CYP4F2: variants seen among roughly 807,000 people sequenced by gnomAD.
CYP4F2 encodes cytochrome P450 family 4 subfamily F member 2, also known as cytochrome P450 4F2.
A neutral mutation model predicts 58.9 loss-of-function variants in CYP4F2; 58 were observed. The ratio of observed to expected loss-of-function variants is 0.98; its 90% CI spans 0.80 to 1.23. The LOEUF (loss-of-function observed/expected upper bound fraction) is 1.23. Ranked by LOEUF, CYP4F2 falls within the 50% of genes most tolerant of loss-of-function variation. CYP4F2 has a pLI of 0.00. For synonymous variants in CYP4F2, 287 were observed against 261.1 expected (o/e 1.10, Z -0.95); for missense variants, 616 against 685.6 (o/e 0.90, Z 1.13).
intron 9 of CYP4F2, among the ~76,000 whole-genome samples, chr19:15,884,512 A>AT (rs2145003831): frequency 6.6e-6 from 1 of 152,342 alleles, no homozygotes; most frequent in East Asian, 1.9e-4. Flanking sequence ...AAAAGACTAA[A>AT]TATTTCAGGC....
At chr19:15,881,756 C>T (rs1322876212) in intron 9 of CYP4F2, among the ~76,000 whole-genome samples, 3 of 151,410 alleles carry the variant, frequency 2.0e-5, no homozygotes, top group Non-Finnish European at 2.9e-5. Context: ...ATTTAATGCT[C>T]ATTTTCCATG....
chr19:15,892,493 C>T (rs368596889), intron 4 of CYP4F2, 36 bp downstream of exon 4: 8 of 1,613,866 alleles, frequency 5.0e-6, no homozygotes, highest in African/African-American at 1.3e-5. Context: ...GGCCCCCCAA[C>T]GTTTTTCCCA....
At chr19:15,896,074 A>ATCCT (rs1298734704) in intron 2 of CYP4F2, among the ~76,000 whole-genome samples, 12 of 128,740 alleles carry the variant, frequency 9.3e-5, no homozygotes, top group African/African-American at 4.1e-4. Context: ...CTATCTATCC[A>ATCCT]TCCATCCATC....
intron 3 of CYP4F2, among the ~76,000 whole-genome samples, chr19:15,893,539 C>G (rs1257630592): frequency 6.6e-6 from 1 of 152,184 alleles, no homozygotes; most frequent in Non-Finnish European, 1.5e-5. Flanking sequence ...GCAGACCTGG[C>G]CATATAACAG....
At position 15,882,375 on chromosome 19, in the gene CYP4F2, C is replaced by T. The variant is rs145019877; in HGVS notation, c.1116-2478G>A. Among the ~76,000 whole-genome samples, 498 of 152,116 alleles carry T rather than the reference C, an allele frequency of 3.3e-3. 3 individuals carry two copies. The highest frequency in any genetic ancestry group is 0.011 in the African/African-American group (470 of 41,504). ...TCAAAGGATAGAAGCTTCAGTTAGA[C>T]AAGAGGAATAGTTTTTGAGATCTAC... is the stretch of plus-strand genomic sequence containing the variant. On this transcript the variant is annotated intron_variant, in intron 9 of 12. Transcript: ENST00000221700.
intron 9 of CYP4F2, among the ~76,000 whole-genome samples, chr19:15,884,690 C>T (rs953941602): frequency 6.6e-6 from 1 of 152,148 alleles, no homozygotes; most frequent in African/African-American, 2.4e-5. Flanking sequence ...GTTTCTCCTC[C>T]TCACTGGACT....
intron 9 of CYP4F2, among the ~76,000 whole-genome samples, chr19:15,884,269 G>T (rs143400551): frequency 1.3e-5 from 2 of 152,036 alleles, no homozygotes; most frequent in African/African-American, 2.4e-5. Context: ...GACAAATATC[G>T]CATGTTCTCA....
At chr19:15,886,330 C>CA in intron 7 of CYP4F2, 22 bp from the exon 8 acceptor site, 1 of 1,611,682 alleles carries the variant, frequency 6.2e-7, no homozygotes, top group Non-Finnish European at 8.5e-7. Flanking sequence ...GCAGTAACCC[C>CA]CCCCAACCCC....
chr19:15,898,012 C>A lies in CYP4F2; in HGVS notation c.-2+14G>T, dbSNP rs3093095. 0.027 allele frequency: 6,284 copies of A among 235,880 alleles called. 431 individuals are homozygous for A. Among genetic ancestry groups the A allele is most frequent in the African/African-American group, 0.14 (5,737 of 42,104 alleles). 14.6% of individuals were successfully genotyped at this position (235,880 alleles called of 1,614,324 possible). ...CCAGGACCCCCCCCAGGCCTGCCAC[C>A]CCCAGCCTGGCACCTTCTGTCAGGA... On this transcript the variant is annotated intron_variant, in intron 1 of 12. Coordinates refer to ENST00000221700, the MANE Select transcript of CYP4F2 (RefSeq NM_001082.5).
chr19:15,889,655 C>A lies in CYP4F2; in HGVS notation c.686G>T (p.Ser229Ile), dbSNP rs1158795286. ...SEYIAAILEL[S>I]ALVSKRHHEI... Reference sequence around the variant, plus strand: ...ATGGTGTCTTTTTGATACAAGGGCACTGAGCTCCAAGATGGCGGCAATATA... The same window carrying A: ...ATGGTGTCTTTTTGATACAAGGGCAATGAGCTCCAAGATGGCGGCAATATA... The change falls in exon 7 of 13, where the codon AGT (serine) becomes ATT (isoleucine). Residue 229 changes from serine (S) to isoleucine (I), a missense_variant. Transcript: ENST00000221700. 1.9e-6 allele frequency: 3 copies of A among 1,614,130 alleles called. No individual in the cohort carries two copies. Among genetic ancestry groups the A allele is most frequent in the Non-Finnish European group, 2.5e-6 (3 of 1,180,012 alleles).
At chr19:15,879,991 C>G in intron 9 of CYP4F2, 94 bp from the exon 10 acceptor site, 6 of 1,569,118 alleles carry the variant, frequency 3.8e-6, no homozygotes, top group Non-Finnish European at 5.2e-6. Flanking sequence ...TTTCTCCCCG[C>G]AATAAAATAA....
chr19:15,885,824 A>G, intron 9 of CYP4F2, 100 bp downstream of exon 9: 2 of 1,510,184 alleles, frequency 1.3e-6, no homozygotes, highest in Non-Finnish European at 1.8e-6. Flanking sequence ...ACTAGGCAAT[A>G]GTGGCAGAAT....
chr19:15,879,271 C>T, intron 12 of CYP4F2, 75 bp downstream of exon 12: 1 of 1,538,824 alleles, frequency 6.5e-7, no homozygotes, highest in Non-Finnish European at 8.9e-7. Context: ...TACAATGTCC[C>T]CCTTTTCCCC....
At chr19:15,880,006 T>C in intron 9 of CYP4F2, 109 bp from the exon 10 acceptor site, 1 of 1,565,300 alleles carries the variant, frequency 6.4e-7, no homozygotes, top group East Asian at 2.3e-5. Flanking sequence ...AAATAAACTT[T>C]TAACAAGAAT....
rs766187501 is a variant in CYP4F2, at chr19:15,890,373, T to C, written c.586A>G (p.Ser196Gly). The change falls in exon 6 of 13, where the codon AGC becomes GGC. Residue 196 changes from serine (S) to glycine (G), a missense_variant. Physicochemically the swap from Ser to Gly is moderately conservative, Grantham distance 56 (BLOSUM62 0). Transcript: ENST00000221700. ...SACLDMFEHISLMTLDSLQKC... is the reference protein window; with the variant it reads ...SACLDMFEHIGLMTLDSLQKC... ...TGTAGACTGTCCAAGGTCATGAGGC[T>C]GATGTGCTCAAACATATCCAAACAG... The C allele has an allele frequency of 1.9e-6, 3 of 1,614,170 alleles. No homozygotes were observed. The highest frequency in any genetic ancestry group is 2.5e-6 in the Non-Finnish European group (3 of 1,180,022).
Position 15,878,824 on chromosome 19 carries a change from G to T in CYP4F2, c.1510C>A (p.Leu504Met). The T allele has an allele frequency of 6.2e-7, 1 of 1,613,968 alleles. No homozygotes were observed. The highest frequency in any genetic ancestry group is 8.5e-7 in the Non-Finnish European group (1 of 1,179,936). The change falls in exon 13 of 13, where the codon CTG becomes ATG. Residue 504 changes from leucine (L) to methionine (M), a missense_variant. Leu to Met is a conservative substitution (Grantham distance 15). Coordinates refer to ENST00000221700, the MANE Select transcript of CYP4F2 (RefSeq NM_001082.5). ...DHTEPRRKPELVLRAEGGLWL... is the reference protein window; with the variant it reads ...DHTEPRRKPEMVLRAEGGLWL... ...AGTCCGCCCTCTGCGCGCAGGACCAGCTCCGGCTTCCTGCGGGGCTCGGTG... is the reference window on the plus strand; with the variant it reads ...AGTCCGCCCTCTGCGCGCAGGACCATCTCCGGCTTCCTGCGGGGCTCGGTG...
chr19:15,897,143 C>T (rs190172586), intron 2 of CYP4F2, among the ~76,000 whole-genome samples: 1 of 152,302 alleles, frequency 6.6e-6, no homozygotes, highest in Non-Finnish European at 1.5e-5. Flanking sequence ...AGCCAACCCT[C>T]TGCCCAGGAG....
chr19:15,879,444 A>G lies in CYP4F2; in HGVS notation c.1315-16T>C, dbSNP rs1568469259. Reference sequence around the variant, plus strand: ...GGTCGTAGACCTGGAGGTGAGACCAAGAAGGGTTGTTGGGTGGGGTCTCCC... The same window carrying G: ...GGTCGTAGACCTGGAGGTGAGACCAGGAAGGGTTGTTGGGTGGGGTCTCCC... On this transcript the variant is annotated splice_polypyrimidine_tract_variant and intron_variant, in intron 11 of 12. Transcript: ENST00000221700. 1.2e-6 allele frequency: 2 copies of G among 1,614,054 alleles called. No individual in the cohort carries two copies. The highest frequency in any genetic ancestry group is 2.2e-5 in the South Asian group (2 of 91,078).
Position 15,895,456 on chromosome 19 carries a change from G to T in CYP4F2, c.343+50C>A, listed in dbSNP as rs376528458. Reference sequence around the variant, plus strand: ...GCCCACACAGGAGCTTGGGGATAGCGGAAGTGCAGGCCTCAAATGCACTGC... The same window carrying T: ...GCCCACACAGGAGCTTGGGGATAGCTGAAGTGCAGGCCTCAAATGCACTGC... On this transcript the variant is annotated intron_variant, in intron 3 of 12. Coordinates refer to ENST00000221700, the MANE Select transcript of CYP4F2 (RefSeq NM_001082.5). 1.4e-4 allele frequency: 208 copies of T among 1,459,060 alleles called. 1 individual carries two copies. In the Middle Eastern group the frequency reaches 1.8e-3, roughly 13 times the overall value. The allele number at this position is 1,459,060 out of a possible 1,614,324, so 90.4% of individuals were successfully genotyped here. A position where few individuals can be genotyped will look rare whatever the true frequency, so the allele number is the denominator to read the frequency against.
Sources: gnomAD v4.1 joint callset for allele counts (sites outside exome capture counted in the v4.1 genomes callset) on GRCh38, gnomAD v4.1.1 for gene constraint, MANE v1.5 for transcripts, NCBI Gene and HGNC (gene_info 2026-07-23, HGNC 2026-07-21) for gene names.